Variants in COA5 observed in about 807,000 individuals in gnomAD.
COA5 encodes protein C2orf64.
COA5 carries 11 observed loss-of-function variants against 11.8 expected under a neutral mutation model. The observed-to-expected ratio is 0.93, with a 90% CI of 0.59 to 1.54. COA5 has a LOEUF of 1.54. Ranked by LOEUF, COA5 falls within the 40% of genes most tolerant of loss-of-function variation. COA5 has a pLI of 0.00. For missense variants in COA5, 87 were observed against 89.2 expected, an observed-to-expected ratio of 0.97 and a Z score of 0.10; for synonymous variants, 38 against 37.5, an observed-to-expected ratio of 1.01 and a Z score of -0.05.
chr2:98,600,815 A>G, intron 2 of COA5, 22 bp from the exon 3 acceptor site: 1 of 1,502,680 alleles, frequency 6.7e-7, no homozygotes, highest in Non-Finnish European at 9.2e-7. Context: ...TATACAATTA[A>G]ATCAAATTTG....
At position 98,600,732 on chromosome 2, in the gene COA5, G is replaced by A; in HGVS notation, c.*20C>T. Reference sequence around the variant, plus strand: ...AGGGAAAATATTTGTTGTTTTCCATGTTGGCTTCAACATAATGCATCAATA... The same window carrying A: ...AGGGAAAATATTTGTTGTTTTCCATATTGGCTTCAACATAATGCATCAATA... On this transcript the variant is annotated 3_prime_UTR_variant, in exon 3 of 3. Transcript: ENST00000328709. The A allele has an allele frequency of 6.2e-7, 1 of 1,606,272 alleles. No homozygotes were observed. Among genetic ancestry groups the A allele is most frequent in the Admixed American group, 1.7e-5 (1 of 59,776 alleles).
chr2:98,600,608 TCCA>T lies in COA5; in HGVS notation c.*141_*143del, dbSNP rs990838990. 4 of 703,936 alleles carry T rather than the reference TCCA, an allele frequency of 5.7e-6. No individual in the cohort carries two copies. In the Admixed American group the frequency reaches 8.8e-5, roughly 15 times the overall value. The allele number at this position is 703,936 out of a possible 1,614,324, so 43.6% of individuals were successfully genotyped here. A position where few individuals can be genotyped will look rare whatever the true frequency, so the allele number is the denominator to read the frequency against. On this transcript the variant is annotated 3_prime_UTR_variant, in exon 3 of 3. Transcript: ENST00000328709. ...TTTATACATATTCGAAAACAACTCA[TCCA>T]CTTTCTTCAGTGTTCCACGGAGGGG...
chr2:98,600,629 CGGA>C lies in COA5; in HGVS notation c.*120_*122del. The C allele has an allele frequency of 1.3e-6, 1 of 792,648 alleles. No individual in the cohort carries two copies. The highest frequency in any genetic ancestry group is 2.2e-6 in the Non-Finnish European group (1 of 459,648). The allele number at this position is 792,648 out of a possible 1,614,324, so 49.1% of individuals were successfully genotyped here. On this transcript the variant is annotated 3_prime_UTR_variant, in exon 3 of 3. Coordinates refer to ENST00000328709, the MANE Select transcript of COA5 (RefSeq NM_001008215.3). ...CTCATCCACTTTCTTCAGTGTTCCA[CGGA>C]GGGGAAATCTGGTCCAACCAAACAG...
intron 2 of COA5, chr2:98,602,279 T>C (rs957170430): frequency 6.6e-6 from 1 of 152,212 alleles, no homozygotes; most frequent in Non-Finnish European, 1.5e-5. Flanking sequence ...CAAGCATGTA[T>C]AACAAGTTGC....
chr2:98,605,783 AAG>A (rs770037048), intron 1 of COA5: 8 of 152,234 alleles, frequency 5.3e-5, no homozygotes, highest in Admixed American at 2.0e-4. Context: ...GATTCTGATG[AAG>A]AGTCAGTGGA....
intron 1 of COA5, 84 bp from the exon 2 acceptor site, chr2:98,604,275 T>C: frequency 9.4e-7 from 1 of 1,062,576 alleles, no homozygotes; most frequent in Non-Finnish European, 1.5e-6. Flanking sequence ...AAAATAGTCC[T>C]TTTTAAAAGT....
Position 98,608,224 on chromosome 2 carries a change from C to T in COA5, c.99+83G>A, listed in dbSNP as rs973992213. On this transcript the variant is annotated intron_variant, in intron 1 of 2. Transcript: ENST00000328709. ...CCGGGATGGTTAACTCCAACCGCCG[C>T]CGCGGGCGACCCGCTGCCCTCCGCC... The T allele has an allele frequency of 9.4e-6, 10 of 1,059,866 alleles. 1 individual carries two copies. The highest frequency in any genetic ancestry group is 5.2e-5 in the East Asian group (2 of 38,740). 65.7% of individuals were successfully genotyped at this position (1,059,866 alleles called of 1,614,324 possible).
chr2:98,608,375 C>G lies in COA5; in HGVS notation c.31G>C (p.Gly11Arg), dbSNP rs1202382749. The change falls in exon 1 of 3, where the codon GGC becomes CGC. Residue 11 changes from glycine to arginine, a missense_variant. Gly to Arg is a moderately radical substitution (Grantham distance 125, BLOSUM62 -2). Transcript: ENST00000328709. Reference protein sequence around the residue: MPKYYEDKPQGGACAGLKEDL... With the variant: MPKYYEDKPQRGACAGLKEDL... Reference sequence around the variant, plus strand: ...TCCTTCAGGCCCGCGCACGCGCCGCCCTGCGGCTTGTCCTCATAATACTTA... The same window carrying G: ...TCCTTCAGGCCCGCGCACGCGCCGCGCTGCGGCTTGTCCTCATAATACTTA... 1 of 1,606,584 alleles carries G rather than the reference C, an allele frequency of 6.2e-7. No homozygotes were observed. Among genetic ancestry groups the G allele is most frequent in the Non-Finnish European group, 8.5e-7 (1 of 1,177,732 alleles).
At chr2:98,603,786 T>C (rs1283089088) in intron 2 of COA5, among the ~76,000 whole-genome samples, 1 of 152,212 alleles carries the variant, frequency 6.6e-6, no homozygotes, top group Non-Finnish European at 1.5e-5. Context: ...TATGTTTGTA[T>C]ACAATTGCCA....
Position 98,600,655 on chromosome 2 carries a change from C to G in COA5, c.*97G>C. The G allele has an allele frequency of 9.5e-7, 1 of 1,051,312 alleles. No homozygotes were observed. The highest frequency in any genetic ancestry group is 1.6e-5 in the African/African-American group (1 of 63,514). 65.1% of individuals were successfully genotyped at this position (1,051,312 alleles called of 1,614,324 possible). ...GGAGGGGAAATCTGGTCCAACCAAA[C>G]AGATGTAGTAAAAAGTATGTTTCCT... On this transcript the variant is annotated 3_prime_UTR_variant, in exon 3 of 3. Transcript: ENST00000328709.
intron 2 of COA5, among the ~76,000 whole-genome samples, chr2:98,603,381 T>C (rs1346318675): frequency 6.6e-6 from 1 of 152,072 alleles, no homozygotes; most frequent in East Asian, 1.9e-4. Context: ...CTCAGGAGGC[T>C]GAGGCAGGAG....
intron 1 of COA5, 160 bp downstream of exon 1, chr2:98,608,147 G>A (rs1700736616): frequency 1.6e-6 from 1 of 644,380 alleles, no homozygotes; most frequent in Non-Finnish European, 2.8e-6. Flanking sequence ...CTGGGGCTCC[G>A]ACAGCTCAGT....
At chr2:98,606,774 G>A (rs574593807) in intron 1 of COA5, among the ~76,000 whole-genome samples, 1 of 152,068 alleles carries the variant, frequency 6.6e-6, no homozygotes, top group South Asian at 2.1e-4. Context: ...CTGAACGTCT[G>A]GATAAAATCC....
In COA5 at chr2:98,600,641, C is replaced by T; in HGVS notation, c.*111G>A. On this transcript the variant is annotated 3_prime_UTR_variant, in exon 3 of 3. Transcript: ENST00000328709. ...CTTCAGTGTTCCACGGAGGGGAAAT[C>T]TGGTCCAACCAAACAGATGTAGTAA... The T allele has an allele frequency of 4.5e-6, 4 of 895,082 alleles. No homozygotes were observed. Among genetic ancestry groups the T allele is most frequent in the Non-Finnish European group, 7.3e-6 (4 of 550,376 alleles). The allele number at this position is 895,082 out of a possible 1,614,324, so 55.4% of individuals were successfully genotyped here.
At chr2:98,607,083 A>G (rs946605176) in intron 1 of COA5, among the ~76,000 whole-genome samples, 1 of 152,206 alleles carries the variant, frequency 6.6e-6, no homozygotes, top group African/African-American at 2.4e-5. Flanking sequence ...TCTCCTCAAG[A>G]TCTAGTCATT....
At chr2:98,602,670 C>G (rs1700657327) in intron 2 of COA5, 1 of 152,828 alleles carries the variant, frequency 6.5e-6, no homozygotes, top group South Asian at 1.9e-4. Context: ...AAAAAAGGGT[C>G]CCTAAGGTGC....
intron 2 of COA5, among the ~76,000 whole-genome samples, chr2:98,603,263 G>A (rs1208788244): frequency 1.3e-5 from 2 of 152,150 alleles, no homozygotes; most frequent in Non-Finnish European, 1.5e-5. Context: ...CAGATCACCT[G>A]AGGTCAGGAG....
rs773780163 is a variant in COA5, at chr2:98,608,318, A to G, written c.88T>C (p.Cys30Arg). 1 of 1,604,830 alleles carries G rather than the reference A, an allele frequency of 6.2e-7. No homozygotes were observed. Among genetic ancestry groups the G allele is most frequent in the Non-Finnish European group, 8.5e-7 (1 of 1,176,676 alleles). Residue 30 changes from cysteine (C) to arginine (R), a missense_variant, in exon 1 of 3, where the codon TGT becomes CGT. Transcript: ENST00000328709. ...DLGACLLQSD[C>R]VVQEGKSPRQ... ...CCCGGCCGCGCTACCTGGACCACAC[A>G]GTCCGACTGCAGCAGACACGCGCCC... is the stretch of plus-strand genomic sequence containing the variant.
chr2:98,600,849 C>G, intron 2 of COA5, 56 bp from the exon 3 acceptor site: 1 of 1,163,534 alleles, frequency 8.6e-7, no homozygotes. Flanking sequence ...AATTAAACAC[C>G]CCTTACTTTG....
Sources: allele counts gnomAD v4.1 joint callset (sites outside exome capture counted in the v4.1 genomes callset), GRCh38; gene constraint gnomAD v4.1.1; transcripts MANE v1.5; gene names NCBI Gene and HGNC (gene_info 2026-07-23, HGNC 2026-07-21).